The following COL3A1 variants were observed in gnomAD, a reference collection of about 807,000 sequenced individuals.
The protein encoded by COL3A1 is collagen type III alpha 1 chain.
COL3A1 carries 46 observed loss-of-function variants against 200.9 expected under a neutral mutation model. The observed-to-expected ratio is 0.23, with a 90% confidence interval of 0.18 to 0.29. The LOEUF (loss-of-function observed/expected upper bound fraction) is 0.29, where lower values mean the gene tolerates loss of function less well. Ranked by LOEUF, COL3A1 falls within the 10% of genes least tolerant of loss-of-function variation. The probability of loss-of-function intolerance (pLI) is 1.00; values close to 1 mark genes in which losing one functional copy is unlikely to be tolerated. For synonymous variants in COL3A1, 650 were observed against 628.0 expected (o/e 1.03, Z -0.52); for missense variants, 1,367 against 1,917.6 (o/e 0.71, Z 5.36).
In COL3A1 at chr2:188,997,627, C is replaced by T. The variant is rs1362456489; in HGVS notation, c.1870-73C>T. 6 of 1,448,504 alleles carry T rather than the reference C, an allele frequency of 4.1e-6. No homozygotes were observed. The Admixed American group carries it at 5.2e-5, about 13-fold the overall frequency. 89.7% of individuals were successfully genotyped at this position (1,448,504 alleles called of 1,614,324 possible). ...ACTACTTTTATAATTAAGCAACAGG[C>T]CTGTTGAAATGGATACTGTAGACTA... On this transcript the variant is annotated intron_variant, in intron 26 of 50. Transcript: ENST00000304636.
rs758938766 is a variant in COL3A1 at position 188,994,016 on chromosome 2, T to C, written c.1150-22T>C. ...ACTATTTGCATTACTATTAATACAT[T>C]ATCTGTTTTTTGTATACTTAGGGCC... On this transcript the variant is annotated intron_variant, in intron 16 of 50. Coordinates refer to ENST00000304636, the MANE Select transcript of COL3A1 (RefSeq NM_000090.4). This position sits in a 1 kb window ranked among gnomAD's most constrained non-coding sequence, Gnocchi z 4.5. 1.5e-4 allele frequency: 235 copies of C among 1,608,888 alleles called. No homozygotes were observed. The highest frequency in any genetic ancestry group is 1.9e-4 in the Non-Finnish European group (228 of 1,175,546).
In COL3A1 at chr2:189,001,282, T is replaced by A. The variant is rs1345242664; in HGVS notation, c.2284-115T>A. 3.9e-6 allele frequency: 4 copies of A among 1,027,542 alleles called. No individual in the cohort carries two copies. The African/African-American group carries it at 4.9e-5, about 13-fold the overall frequency. The allele number at this position is 1,027,542 out of a possible 1,614,324, so 63.7% of individuals were successfully genotyped here. A position where few individuals can be genotyped will look rare whatever the true frequency, so the allele number is the denominator to read the frequency against. ...ATAGCATTCAAGCCATAAAAATTTT[T>A]AAAAAGTATGTTATCTAGTTTATTA... On this transcript the variant is annotated intron_variant, in intron 32 of 50. Transcript: ENST00000304636.
chr2:189,007,004 T>C lies in COL3A1; in HGVS notation c.3255+14T>C. 1 of 1,609,458 alleles carries C rather than the reference T, an allele frequency of 6.2e-7. No individual in the cohort carries two copies. The highest frequency in any genetic ancestry group is 8.5e-7 in the Non-Finnish European group (1 of 1,178,300). ...CGAGGTGCTCCTGTAAGTTTTGTCA[T>C]TTTTTGGTTTTATTTTGTTTTGTTC... On this transcript the variant is annotated intron_variant, in intron 44 of 50. Transcript: ENST00000304636.
chr2:188,986,972 A>T, intron 4 of COL3A1, 87 bp from the exon 5 acceptor site: 1 of 1,108,476 alleles, frequency 9.0e-7, no homozygotes, highest in Non-Finnish European at 1.4e-6. Flanking sequence ...AGTAGACAGT[A>T]GATGTTGCAT....
chr2:189,006,508 T>A, intron 43 of COL3A1, 56 bp downstream of exon 43: 1 of 1,531,894 alleles, frequency 6.5e-7, no homozygotes, highest in Non-Finnish European at 9.0e-7. Flanking sequence ...AATAAAGACA[T>A]TTGTAGGTAG....
At chr2:189,007,475 T>G (rs914300907) in intron 44 of COL3A1, 25 bp from the exon 45 acceptor site, 1 of 1,579,822 alleles carries the variant, frequency 6.3e-7, no homozygotes, top group Non-Finnish European at 8.7e-7. Context: ...TGTATATGAC[T>G]TCAATTCAAA....
chr2:188,989,788 A>C (rs891104001), intron 8 of COL3A1, among the ~76,000 whole-genome samples: 2 of 152,182 alleles, frequency 1.3e-5, no homozygotes, highest in African/African-American at 4.8e-5. Context: ...GAACTTGAGA[A>C]GTTATAGATA....
chr2:188,998,272 C>A lies in COL3A1; in HGVS notation c.1930C>A (p.Pro644Thr), dbSNP rs1243924552. ...PPGPQGLQGLPGTGGPPGENG... is the reference protein window; with the variant it reads ...PPGPQGLQGLTGTGGPPGENG... ...CAAATATGATTCTTTCTAGGGCTTG[C>A]CTGGTACAGGTGGTCCTCCAGGAGA... The change falls in exon 28 of 51, where the codon CCT becomes ACT. Residue 644 changes from proline (P) to threonine (T), a missense_variant. Pro to Thr is a conservative substitution (Grantham distance 38). This residue lies in a region of COL3A1 where 846 missense variants were observed against 1,147.9 expected (regional missense o/e 0.74). Transcript: ENST00000304636. The A allele has an allele frequency of 6.2e-7, 1 of 1,613,420 alleles. No individual in the cohort carries two copies. The highest frequency in any genetic ancestry group is 1.7e-5 in the Admixed American group (1 of 59,952).
At chr2:188,997,044 CATATATATATGAGACAT>C (rs1388631352) in intron 24 of COL3A1, 104 bp from the exon 25 acceptor site, 9 of 250,854 alleles carry the variant, frequency 3.6e-5, no homozygotes, top group African/African-American at 3.4e-4. Flanking sequence ...ATATATGAGA[CATATATATATGAGACAT>C]ATATATATGA....
chr2:188,994,322 G>A lies in COL3A1; in HGVS notation c.1283G>A (p.Arg428Gln), dbSNP rs1021622002. The change falls in exon 18 of 51, where the codon CGA becomes CAA. Residue 428 changes from arginine to glutamine, a missense_variant. This residue lies in a region of COL3A1 where 462 missense variants were observed against 681.4 expected (regional missense o/e 0.68). Coordinates refer to ENST00000304636, the MANE Select transcript of COL3A1 (RefSeq NM_000090.4). The surrounding 1 kb of genome is among the most constrained non-coding windows in gnomAD (Gnocchi z 4.5). ...GGTGCTAATGGTGCTCCTGGACTGC[G>A]AGGTGGTGCAGTAAGTTGCCTTGTT... is the stretch of plus-strand genomic sequence containing the variant. ...PAGANGAPGL[R>Q]GGAGEPGKNG... 33 of 1,613,478 alleles carry A rather than the reference G, an allele frequency of 2.0e-5. No individual in the cohort carries two copies. Among genetic ancestry groups the A allele is most frequent in the Middle Eastern group, 1.7e-4 (1 of 5,726 alleles).
At chr2:189,003,554 G>T in intron 37 of COL3A1, 90 bp downstream of exon 37, 1 of 1,415,084 alleles carries the variant, frequency 7.1e-7, no homozygotes, top group South Asian at 1.2e-5. Context: ...GTTCCATAAA[G>T]AGAATGTAAA....
At chr2:189,005,813 TAAC>T (rs1477252405) in intron 41 of COL3A1, among the ~76,000 whole-genome samples, 2 of 152,056 alleles carry the variant, frequency 1.3e-5, no homozygotes, top group Non-Finnish European at 2.9e-5. Context: ...TATTTATAAT[TAAC>T]AAATCATAAT....
Position 188,988,147 on chromosome 2 carries a change from A to G in COL3A1, c.582+13A>G, listed in dbSNP as rs1043535140. The G allele has an allele frequency of 3.1e-6, 5 of 1,608,756 alleles. No individual in the cohort carries two copies. Among genetic ancestry groups the G allele is most frequent in the Admixed American group, 1.7e-5 (1 of 59,936 alleles). On this transcript the variant is annotated intron_variant, in intron 6 of 50. Transcript: ENST00000304636. ...TCCTGGTTCCCCTGTAAGTATAGCC[A>G]TTGGTGGTGTTTTCTTCCTCATTTT...
chr2:188,991,125 CATATTGTGAGCCTTA>C (rs1688180102), intron 11 of COL3A1, 68 bp downstream of exon 11: 43 of 1,497,228 alleles, frequency 2.9e-5, no homozygotes, highest in Non-Finnish European at 3.9e-5. Flanking sequence ...ATATAAGATT[CATATTGTGAGCCTTA>C]ACTTGTTTTC....
intron 31 of COL3A1, 69 bp downstream of exon 31, chr2:188,999,646 C>G (rs891057631): frequency 6.6e-7 from 1 of 1,507,228 alleles, no homozygotes; most frequent in South Asian, 1.1e-5. Flanking sequence ...AGCAACACTC[C>G]TGGAAAGTAA....
chr2:188,997,398 A>C lies in COL3A1; in HGVS notation c.1869+9A>C. On this transcript the variant is annotated intron_variant, in intron 26 of 50. Transcript: ENST00000304636. ...GACCCCCAGGGCCTACTGTAAGTTC[A>C]CTCATATAAAATTGGAGATGAAAAT... 1 of 1,613,184 alleles carries C rather than the reference A, an allele frequency of 6.2e-7. No homozygotes were observed. The highest frequency in any genetic ancestry group is 8.5e-7 in the Non-Finnish European group (1 of 1,179,198).
At chr2:188,978,362 A>G (rs777094537) in intron 1 of COL3A1, among the ~76,000 whole-genome samples, 3 of 151,972 alleles carry the variant, frequency 2.0e-5, no homozygotes, top group Non-Finnish European at 2.9e-5. Flanking sequence ...CCAGGATTAT[A>G]GTTGAGGCTA....
chr2:189,004,008 C>T lies in COL3A1; in HGVS notation c.2688C>T (p.Ser896=), dbSNP rs112723105. The part of the protein sequence containing the change: ...SNGNPGPPGP[S]GSPGKDGPPG... The stretch of plus-strand genomic sequence containing the variant: ...GTAACCCAGGACCCCCAGGTCCCAG[C>T]GGTTCTCCAGGCAAGGATGGGCCCC... Residue 896 remains serine, a synonymous_variant, in exon 39 of 51, where the codon AGC becomes AGT. Coordinates refer to ENST00000304636, the MANE Select transcript of COL3A1 (RefSeq NM_000090.4). The T allele has an allele frequency of 1.7e-5, 27 of 1,612,330 alleles. No individual in the cohort carries two copies. Among genetic ancestry groups the T allele is most frequent in the African/African-American group, 9.4e-5 (7 of 74,822 alleles).
chr2:188,996,005 AG>A, intron 22 of COL3A1, 119 bp from the exon 23 acceptor site: 1 of 1,045,558 alleles, frequency 9.6e-7, no homozygotes, highest in African/African-American at 1.6e-5. Context: ...ACAGGAAAAA[AG>A]ATGTGCAAAT....
Sources: gnomAD v4.1 joint callset for allele counts (sites outside exome capture counted in the v4.1 genomes callset) on GRCh38, gnomAD v4.1.1 for gene constraint, gnomAD v4.1.1 regional missense constraint, Gnocchi (gnomAD v3.1) non-coding constraint, MANE v1.5 for transcripts, NCBI Gene and HGNC (gene_info 2026-07-23, HGNC 2026-07-21) for gene names.